F13A1: variants seen among roughly 807,000 people sequenced by gnomAD.
F13A1 encodes the protein FSF, A subunit.
Under a neutral mutation model 80.1 loss-of-function variants are expected in F13A1, and 47 were observed. That is an observed-to-expected ratio of 0.59 (90% CI 0.46 to 0.75). The LOEUF is 0.75. F13A1 is among the 30% of genes least tolerant of loss of function. F13A1 has a pLI of 0.00. For synonymous variants in F13A1, 349 were observed against 344.9 expected (o/e 1.01, Z -0.13); for missense variants, 817 against 930.4 (o/e 0.88, Z 1.59).
At chr6:6,202,971 T>C (rs1303878036) in intron 8 of F13A1, among the ~76,000 whole-genome samples, 2 of 152,218 alleles carry the variant, frequency 1.3e-5, no homozygotes, top group Non-Finnish European at 2.9e-5. Context: ...AGTAAATCCA[T>C]GTGCTTTGAA....
At position 6,222,249 on chromosome 6, in the gene F13A1, G is replaced by A. The variant is rs79385952; in HGVS notation, c.974-78C>T. ...CAGAGTGAAAAAACCCTTCTTGTAG[G>A]GGACTTTCTTCCTGACCCAACATGA... On this transcript the variant is annotated intron_variant, in intron 7 of 14. Transcript: ENST00000264870. 9.1e-3 allele frequency: 14,462 copies of A among 1,582,908 alleles called. 98 individuals are homozygous for A. The highest frequency in any genetic ancestry group is 0.011 in the Non-Finnish European group (13,096 of 1,155,242).
intron 3 of F13A1, among the ~76,000 whole-genome samples, chr6:6,301,881 A>G (rs896363799): frequency 3.3e-5 from 5 of 152,146 alleles, no homozygotes; most frequent in African/African-American, 9.7e-5. Flanking sequence ...TGAAGATCCA[A>G]CCCATAGCTA....
intron 14 of F13A1, among the ~76,000 whole-genome samples, chr6:6,147,722 C>G (rs1760310333): frequency 6.6e-6 from 1 of 152,202 alleles, no homozygotes; most frequent in Non-Finnish European, 1.5e-5. Flanking sequence ...ATCATTTTCT[C>G]TTACTCATAA....
At chr6:6,204,303 G>A (rs1023178243) in intron 8 of F13A1, among the ~76,000 whole-genome samples, 2 of 152,224 alleles carry the variant, frequency 1.3e-5, no homozygotes, top group Non-Finnish European at 2.9e-5. Context: ...TGTTTGTGCA[G>A]CTTTATTAGG....
At chr6:6,249,560 T>C (rs1349447927) in intron 5 of F13A1, among the ~76,000 whole-genome samples, 2 of 152,194 alleles carry the variant, frequency 1.3e-5, no homozygotes, top group Non-Finnish European at 2.9e-5. Context: ...CCAGGGTGCC[T>C]ACCCAAAGGC....
chr6:6,199,873 C>T (rs1761361565), intron 8 of F13A1, among the ~76,000 whole-genome samples: 1 of 152,126 alleles, frequency 6.6e-6, no homozygotes, highest in Non-Finnish European at 1.5e-5. Flanking sequence ...TTCAGGTGGC[C>T]AGCACCATGG....
intron 4 of F13A1, among the ~76,000 whole-genome samples, chr6:6,259,528 G>A (rs921524167): frequency 1.3e-5 from 2 of 152,030 alleles, no homozygotes; most frequent in African/African-American, 4.8e-5. Flanking sequence ...TGCTAATTTG[G>A]TGTCAGATGC....
chr6:6,237,567 C>T (rs1757429526), intron 6 of F13A1, among the ~76,000 whole-genome samples: 2 of 152,160 alleles, frequency 1.3e-5, no homozygotes, highest in Non-Finnish European at 1.5e-5. Flanking sequence ...ACACTCAAAC[C>T]TCTTCTTTAC....
intron 6 of F13A1, among the ~76,000 whole-genome samples, chr6:6,228,878 G>T (rs527588814): frequency 6.6e-6 from 1 of 152,168 alleles, no homozygotes; most frequent in South Asian, 2.1e-4. Context: ...AATACAAGCT[G>T]AGCGTATCCC....
At chr6:6,153,223 T>A (rs910589811) in intron 13 of F13A1, among the ~76,000 whole-genome samples, 1 of 152,208 alleles carries the variant, frequency 6.6e-6, no homozygotes, top group Non-Finnish European at 1.5e-5. Context: ...TTAGCCACTA[T>A]ATAATATGGG....
At chr6:6,260,445 T>C (rs1757762894) in intron 4 of F13A1, among the ~76,000 whole-genome samples, 1 of 152,212 alleles carries the variant, frequency 6.6e-6, no homozygotes, top group Non-Finnish European at 1.5e-5. Flanking sequence ...CTGCTATCTT[T>C]TTCACTTGGG....
In F13A1 at chr6:6,182,030, C is replaced by T; in HGVS notation, c.1417G>A (p.Asp473Asn). The change falls in exon 11 of 15, where the codon GAT (aspartate) becomes AAT (asparagine). Residue 473 changes from aspartate to asparagine, a missense_variant. Asp to Asn is a conservative substitution (Grantham distance 23). Transcript: ENST00000264870. Reference sequence around the variant, plus strand: ...GTATCAGTAATATCCATCATGCCATCTCCTCCAATTTGTTTGGTCACAATT... The same window carrying T: ...GTATCAGTAATATCCATCATGCCATTTCCTCCAATTTGTTTGGTCACAATT... ...KLIVTKQIGG[D>N]GMMDITDTYK... 1.2e-6 allele frequency: 2 copies of T among 1,614,204 alleles called. No individual in the cohort carries two copies. Among genetic ancestry groups the T allele is most frequent in the East Asian group, 2.2e-5 (1 of 44,882 alleles).
rs1009584276 is a variant in F13A1, at chr6:6,254,711, G to A, written c.572-3782C>T. Among the ~76,000 whole-genome samples the A allele has an allele frequency of 1.4e-4, 22 of 152,158 alleles. 1 individual carries two copies. Among genetic ancestry groups the A allele is most frequent in the African/African-American group, 5.1e-4 (21 of 41,420 alleles). The stretch of plus-strand genomic sequence containing the variant: ...TTCTTTTAGCCATGTAAATGTACAT[G>A]TGTGTTTATTTGAAAAGAACAATAT... On this transcript the variant is annotated intron_variant, in intron 4 of 14. Transcript: ENST00000264870.
chr6:6,310,465 T>C (rs1344001183), intron 2 of F13A1, among the ~76,000 whole-genome samples: 1 of 152,182 alleles, frequency 6.6e-6, no homozygotes, highest in Non-Finnish European at 1.5e-5. Flanking sequence ...GTACCTATCT[T>C]ATAGAGTGGC....
At chr6:6,307,265 G>A (rs1334915391) in intron 2 of F13A1, among the ~76,000 whole-genome samples, 1 of 152,184 alleles carries the variant, frequency 6.6e-6, no homozygotes, top group African/African-American at 2.4e-5. Flanking sequence ...ACGGCAAGCA[G>A]AAAGTGCAGG....
At chr6:6,205,719 T>A (rs770694079) in intron 8 of F13A1, among the ~76,000 whole-genome samples, 23 of 152,178 alleles carry the variant, frequency 1.5e-4, no homozygotes, top group Non-Finnish European at 2.8e-4. Flanking sequence ...TTTTATTATT[T>A]TTTTTTTAGT....
chr6:6,313,712 T>TCA (rs536777781), intron 2 of F13A1, among the ~76,000 whole-genome samples: 177 of 152,344 alleles, frequency 1.2e-3, no homozygotes, highest in African/African-American at 4.2e-3. Flanking sequence ...TAACTCTTTC[T>TCA]CACATTTCTT....
chr6:6,299,825 C>T (rs1338838939), intron 3 of F13A1, among the ~76,000 whole-genome samples: 1 of 148,478 alleles, frequency 6.7e-6, no homozygotes, highest in African/African-American at 2.6e-5. Flanking sequence ...GAGAGGCGGT[C>T]TGCTTTTTAG....
intron 3 of F13A1, among the ~76,000 whole-genome samples, chr6:6,270,850 C>T (rs1757910209): frequency 6.6e-6 from 1 of 152,080 alleles, no homozygotes; most frequent in Admixed American, 6.5e-5. Flanking sequence ...TTGTGTGAGC[C>T]AGAAATGTGG....
Sources: allele counts gnomAD v4.1 joint callset (sites outside exome capture counted in the v4.1 genomes callset), GRCh38; gene constraint gnomAD v4.1.1; transcripts MANE v1.5; gene names NCBI Gene and HGNC (gene_info 2026-07-23, HGNC 2026-07-21).